GSTA2: variants seen among roughly 807,000 people sequenced by gnomAD.
GSTA2 encodes glutathione S-transferase A2.
A neutral mutation model predicts 22.4 loss-of-function variants in GSTA2; 27 were observed. The observed-to-expected ratio is 1.21, with a 90% CI of 0.89 to 1.67. The LOEUF is 1.67. GSTA2 is among the 40% of genes most tolerant of loss of function. GSTA2 has a pLI of 0.00. For synonymous variants in GSTA2, 121 were observed against 86.8 expected (o/e 1.39, Z -2.19); for missense variants, 302 against 260.2 (o/e 1.16, Z -1.11).
intron 6 of GSTA2, among the ~76,000 whole-genome samples, chr6:52,751,076 AG>A (rs1261316335): frequency 6.6e-6 from 1 of 152,230 alleles, no homozygotes; most frequent in Non-Finnish European, 1.5e-5. Context: ...AAAATGTTAT[AG>A]AAAATAGTAA....
chr6:52,752,140 AAGG>A (rs1561893550), intron 5 of GSTA2, among the ~76,000 whole-genome samples: 1 of 152,174 alleles, frequency 6.6e-6, no homozygotes, highest in African/African-American at 2.4e-5. Context: ...CTTCCCCCAG[AAGG>A]AGACTATTTC....
chr6:52,755,525 A>T (rs1762824793), intron 3 of GSTA2, among the ~76,000 whole-genome samples: 3 of 152,222 alleles, frequency 2.0e-5, no homozygotes, highest in African/African-American at 7.2e-5. Flanking sequence ...CAATATGTTT[A>T]TAAAGCTTCC....
intron 4 of GSTA2, among the ~76,000 whole-genome samples, chr6:52,754,126 G>A (rs941710635): frequency 1.3e-5 from 2 of 152,144 alleles, no homozygotes; most frequent in Non-Finnish European, 2.9e-5. Context: ...TTTATTGATT[G>A]ATGGATATTT....
intron 5 of GSTA2, among the ~76,000 whole-genome samples, chr6:52,752,059 T>C (rs1337843461): frequency 6.6e-6 from 1 of 152,176 alleles, no homozygotes; most frequent in East Asian, 1.9e-4. Flanking sequence ...ACATTCAGGA[T>C]GTGGCTCTAC....
intron 4 of GSTA2, 114 bp from the exon 5 acceptor site, chr6:52,753,109 G>A: frequency 2.1e-6 from 2 of 972,286 alleles, no homozygotes; most frequent in East Asian, 2.5e-5. Flanking sequence ...CACCTCCAAT[G>A]AGTGCCTTTT....
chr6:52,753,620 T>C (rs917495312), intron 4 of GSTA2, among the ~76,000 whole-genome samples: 3 of 139,890 alleles, frequency 2.1e-5, no homozygotes, highest in African/African-American at 8.2e-5. Context: ...ACCCCTTCCC[T>C]GGTGAAATTC....
intron 6 of GSTA2, 100 bp from the exon 7 acceptor site, chr6:52,750,799 A>C: frequency 2.7e-6 from 4 of 1,462,950 alleles, no homozygotes; most frequent in Non-Finnish European, 3.7e-6. Flanking sequence ...GCCAAAGACC[A>C]AGTGAGTCGC....
At position 52,756,179 on chromosome 6, in the gene GSTA2, G is replaced by T; in HGVS notation, c.139+79C>A. ...ACAAATACCATGCCCCACACCCATAGACATTGCCGGCTGCGCAAACCTCCC... is the reference window on the plus strand; with the variant it reads ...ACAAATACCATGCCCCACACCCATATACATTGCCGGCTGCGCAAACCTCCC... On this transcript the variant is annotated intron_variant, in intron 3 of 6. Transcript: ENST00000493422. 4 of 908,826 alleles carry T rather than the reference G, an allele frequency of 4.4e-6. No homozygotes were observed. The Admixed American group carries it at 7.0e-5, about 16-fold the overall frequency. 56.3% of individuals were successfully genotyped at this position (908,826 alleles called of 1,614,324 possible).
intron 5 of GSTA2, among the ~76,000 whole-genome samples, chr6:52,752,027 G>A (rs1337530949): frequency 1.3e-5 from 2 of 152,162 alleles, no homozygotes; most frequent in African/African-American, 4.8e-5. Context: ...GTCTGCCCCA[G>A]GCCCTGCAGT....
chr6:52,758,940 T>C (rs1050185441), intron 1 of GSTA2, among the ~76,000 whole-genome samples: 8 of 152,108 alleles, frequency 5.3e-5, no homozygotes, highest in African/African-American at 1.4e-4. Context: ...GATACTGAGG[T>C]TTTTAAAGTA....
chr6:52,758,254 T>A (rs1462887974), intron 1 of GSTA2, among the ~76,000 whole-genome samples: 1 of 152,202 alleles, frequency 6.6e-6, no homozygotes, highest in Non-Finnish European at 1.5e-5. Flanking sequence ...AATACATGTA[T>A]AGGAGTTAAT....
intron 4 of GSTA2, among the ~76,000 whole-genome samples, chr6:52,754,340 CACA>C (rs1055937014): frequency 6.6e-6 from 1 of 152,232 alleles, no homozygotes; most frequent in East Asian, 1.9e-4. Context: ...GCAGTCTCAT[CACA>C]ACAACAAGGA....
intron 3 of GSTA2, among the ~76,000 whole-genome samples, chr6:52,755,398 G>C (rs183432193): frequency 9.2e-5 from 14 of 152,130 alleles, no homozygotes; most frequent in African/African-American, 3.4e-4. Context: ...ATTTTTAGAA[G>C]AGATGGTGTC....
chr6:52,754,280 A>T, intron 4 of GSTA2, among the ~76,000 whole-genome samples: 1 of 152,184 alleles, frequency 6.6e-6, no homozygotes, highest in East Asian at 1.9e-4. Context: ...ACCATATTAA[A>T]GTTTTTGAGG....
At chr6:52,755,631 T>C (rs1465327461) in intron 3 of GSTA2, among the ~76,000 whole-genome samples, 1 of 152,210 alleles carries the variant, frequency 6.6e-6, no homozygotes. Context: ...AGTGGGACTC[T>C]TGAATTTTTT....
chr6:52,751,544 G>T (rs1762736410), intron 6 of GSTA2, 33 bp downstream of exon 6: 2 of 1,613,466 alleles, frequency 1.2e-6, no homozygotes, highest in Admixed American at 1.7e-5. Context: ...GGAGATGTGG[G>T]TCTGCCTCTC....
rs1762913408 is a variant in GSTA2, at chr6:52,759,563, G to GTTTTTTTTTGTT, written c.-30-1587_-30-1586insAACAAAAAAAAA. Among the ~76,000 whole-genome samples, 72 of 34,196 alleles carry GTTTTTTTTTGTT rather than the reference G, an allele frequency of 2.1e-3. 22 individuals carry two copies. Among genetic ancestry groups the GTTTTTTTTTGTT allele is most frequent in the African/African-American group, 5.8e-3 (67 of 11,558 alleles). 22.4% of individuals were successfully genotyped at this position (34,196 alleles called of 152,430 possible). A position where few individuals can be genotyped will look rare whatever the true frequency, so the allele number is the denominator to read the frequency against. On this transcript the variant is annotated intron_variant, in intron 1 of 6. Transcript: ENST00000493422. ...CCTTTAACAACTAATGTATTTATTTGTTTTTTTTTTTTTTTTTTTTTTTTT... is the reference window on the plus strand; with the variant it reads ...CCTTTAACAACTAATGTATTTATTTGTTTTTTTTTGTTTTTTTTTTTTTTTTTTTTTTTTTTT...
intron 5 of GSTA2, among the ~76,000 whole-genome samples, chr6:52,752,506 C>A (rs1762762659): frequency 6.6e-6 from 1 of 152,188 alleles, no homozygotes; most frequent in Admixed American, 6.5e-5. Context: ...TTTCATCATG[C>A]CCCTGTTCAA....
In GSTA2 at chr6:52,752,879, T is replaced by C. The variant is rs1157750903; in HGVS notation, c.389A>G (p.Asn130Ser). The C allele has an allele frequency of 6.2e-7, 1 of 1,613,892 alleles. No homozygotes were observed. The highest frequency in any genetic ancestry group is 8.5e-7 in the Non-Finnish European group (1 of 1,179,932). ...TTTTTCAAAGGCAGGGAAGTAGCGA[T>C]TTTTTGTTTTCTCTTGGATCAAGGC... ...KLALIQEKTK[N>S]RYFPAFEKVL... The change falls in exon 5 of 7, where the codon AAT (asparagine) becomes AGT (serine). Residue 130 changes from asparagine to serine, a missense_variant. Coordinates refer to ENST00000493422, the MANE Select transcript of GSTA2 (RefSeq NM_000846.5).
Sources: allele counts gnomAD v4.1 joint callset (sites outside exome capture counted in the v4.1 genomes callset), GRCh38; gene constraint gnomAD v4.1.1; transcripts MANE v1.5; gene names NCBI Gene and HGNC (gene_info 2026-07-23, HGNC 2026-07-21).